The following NDEL1 variants were observed in gnomAD, a reference collection of about 807,000 sequenced individuals.
NDEL1 encodes the protein nuclear distribution protein nudE-like 1.
A neutral mutation model predicts 45.7 loss-of-function variants in NDEL1; 9 were observed. That is an observed-to-expected ratio of 0.20 (90% CI 0.12 to 0.34). The LOEUF is 0.34. Among genes scored for constraint, NDEL1 ranks in the 10% least tolerant of loss-of-function variants. NDEL1 has a pLI of 1.00. For missense variants in NDEL1, 306 were observed against 406.2 expected (o/e 0.75, Z 2.12); for synonymous variants, 133 against 158.6 (o/e 0.84, Z 1.21).
At chr17:8,440,953 C>T (rs761928264) in intron 1 of NDEL1, among the ~76,000 whole-genome samples, 8 of 152,174 alleles carry the variant, frequency 5.3e-5, no homozygotes, top group Non-Finnish European at 1.0e-4. Flanking sequence ...TAACTCTTTT[C>T]GTAGAAGAAT....
At chr17:8,421,282 A>G (rs1172424671) in intron 1 of NDEL1, among the ~76,000 whole-genome samples, 3 of 152,204 alleles carry the variant, frequency 2.0e-5, no homozygotes, top group African/African-American at 7.2e-5. Context: ...AAATGTTCAC[A>G]TCCTAATCCC....
At chr17:8,470,771 G>A (rs899825607), downstream of NDEL1, among the ~76,000 whole-genome samples, 3 of 152,352 alleles carry the variant, frequency 2.0e-5, no homozygotes, top group Admixed American at 1.3e-4. This position sits in a 1 kb window ranked among gnomAD's most constrained non-coding sequence, Gnocchi z 4.2. Context: ...CTTGGGAGAG[G>A]AGCAGGTTTT....
chr17:8,438,830 A>G (rs796446569), intron 1 of NDEL1, among the ~76,000 whole-genome samples: 25 of 151,728 alleles, frequency 1.6e-4, no homozygotes, highest in African/African-American at 6.0e-4. Flanking sequence ...TCTGATTTTT[A>G]AAAAGAGTAA....
chr17:8,417,871 C>T (rs920882696), intron 1 of NDEL1, among the ~76,000 whole-genome samples: 2 of 152,232 alleles, frequency 1.3e-5, no homozygotes, highest in Non-Finnish European at 2.9e-5. Flanking sequence ...AAACCTCCTT[C>T]TCCTGCTGGG....
At chr17:8,459,759 A>G (rs1230237911) in intron 7 of NDEL1, among the ~76,000 whole-genome samples, 1 of 152,154 alleles carries the variant, frequency 6.6e-6, no homozygotes, top group Non-Finnish European at 1.5e-5. Flanking sequence ...TTTTAGTTGT[A>G]AGGGGAAGAT....
chr17:8,428,969 G>A (rs970186340), intron 1 of NDEL1, among the ~76,000 whole-genome samples: 8 of 152,244 alleles, frequency 5.3e-5, no homozygotes, highest in South Asian at 2.1e-4. Flanking sequence ...CACCGCGCCC[G>A]GCCTATTTTT....
chr17:8,421,590 A>G (rs192938754), intron 1 of NDEL1, among the ~76,000 whole-genome samples: 27 of 152,318 alleles, frequency 1.8e-4, no homozygotes, highest in Admixed American at 1.3e-3. Flanking sequence ...TTAGCTCTTT[A>G]AGTATCGGTT....
At chr17:8,421,636 A>G (rs1428882994) in intron 1 of NDEL1, among the ~76,000 whole-genome samples, 1 of 152,150 alleles carries the variant, frequency 6.6e-6, no homozygotes, top group Non-Finnish European at 1.5e-5. Context: ...CAAGAAGATA[A>G]ATCTATTGTT....
intron 4 of NDEL1, among the ~76,000 whole-genome samples, chr17:8,448,298 G>T (rs1597539733): frequency 6.6e-6 from 1 of 152,182 alleles, no homozygotes; most frequent in Non-Finnish European, 1.5e-5. Context: ...TATAAATAGT[G>T]TAACAAATAG....
intron 1 of NDEL1, among the ~76,000 whole-genome samples, chr17:8,442,752 G>T (rs1909823714): frequency 1.5e-5 from 2 of 132,776 alleles, no homozygotes; most frequent in Non-Finnish European, 3.2e-5. Context: ...CAAGTTCTAT[G>T]CATCTCCAGG....
intron 6 of NDEL1, among the ~76,000 whole-genome samples, chr17:8,453,839 C>G (rs1370480405): frequency 6.6e-6 from 1 of 152,084 alleles, no homozygotes; most frequent in Non-Finnish European, 1.5e-5. Flanking sequence ...CTTTTGAGAT[C>G]TCAAAATATA....
intron 1 of NDEL1, among the ~76,000 whole-genome samples, chr17:8,413,846 T>C (rs1908482005): frequency 6.6e-6 from 1 of 152,244 alleles, no homozygotes; most frequent in Non-Finnish European, 1.5e-5. Flanking sequence ...ATGATTGTAT[T>C]CTTCAGGGTT....
downstream of NDEL1, among the ~76,000 whole-genome samples, chr17:8,470,039 T>C (rs1222957939): frequency 6.6e-6 from 1 of 151,854 alleles, no homozygotes; most frequent in African/African-American, 2.4e-5. The surrounding 1 kb of genome is among the most constrained non-coding windows in gnomAD (Gnocchi z 4.2). Flanking sequence ...CTCTAGCAGC[T>C]CTTGGCAAAT....
In NDEL1 at chr17:8,458,900, T is replaced by A. The variant is rs548300530; in HGVS notation, c.793-1109T>A. 7.9e-5 allele frequency among the ~76,000 whole-genome samples: 12 copies of A among 152,266 alleles called. No individual in the cohort carries two copies. In the South Asian group the frequency reaches 1.9e-3, roughly 24 times the overall value. The stretch of plus-strand genomic sequence containing the variant: ...TGCCACCACACCCAGCTAATTTTTT[T>A]ATTTTTTCTTTAGTAGAGACAGGGT... On this transcript the variant is annotated intron_variant, in intron 7 of 8. Coordinates refer to ENST00000334527, the MANE Select transcript of NDEL1 (RefSeq NM_030808.5).
intron 8 of NDEL1, among the ~76,000 whole-genome samples, chr17:8,462,360 G>A (rs1597558130): frequency 2.6e-5 from 4 of 152,282 alleles, no homozygotes; most frequent in Admixed American, 6.5e-5. Context: ...TGTTGCTGGA[G>A]TTGTCTTTCT....
downstream of NDEL1, among the ~76,000 whole-genome samples, chr17:8,469,231 T>A (rs6503119): frequency 0.95 from 145,201 of 152,184 alleles, 69,646 homozygotes; most frequent in East Asian, 1. Flanking sequence ...CAACTTCATC[T>A]TCTTTCCCAG....
intron 8 of NDEL1, among the ~76,000 whole-genome samples, chr17:8,460,836 C>T (rs1203009573): frequency 2.0e-5 from 3 of 152,274 alleles, no homozygotes; most frequent in East Asian, 1.9e-4. Context: ...AACACAGTTA[C>T]GGGATTATAC....
intron 6 of NDEL1, among the ~76,000 whole-genome samples, chr17:8,452,317 GCGGTGACACC>G (rs2151726627): frequency 6.6e-6 from 1 of 152,298 alleles, no homozygotes; most frequent in African/African-American, 2.4e-5. Context: ...AGCCTCAGGT[GCGGTGACACC>G]CACAGGTGGT....
At chr17:8,443,149 T>C (rs575522501) in intron 1 of NDEL1, among the ~76,000 whole-genome samples, 164 of 152,360 alleles carry the variant, frequency 1.1e-3, no homozygotes, top group African/African-American at 3.8e-3. Context: ...TCAATTATGG[T>C]TTAATTCAGT....
Sources: allele counts gnomAD v4.1 joint callset (sites outside exome capture counted in the v4.1 genomes callset), GRCh38; gene constraint gnomAD v4.1.1; non-coding constraint Gnocchi (gnomAD v3.1); transcripts MANE v1.5; gene names NCBI Gene and HGNC (gene_info 2026-07-23, HGNC 2026-07-21).